CCDC91: variants seen among roughly 807,000 people sequenced by gnomAD.
CCDC91 encodes the protein coiled-coil domain-containing protein 91.
Under a neutral mutation model 63.2 loss-of-function variants are expected in CCDC91, and 48 were observed. That is an observed-to-expected ratio of 0.76 (90% CI 0.60 to 0.97). The LOEUF (loss-of-function observed/expected upper bound fraction) is 0.97, where lower values mean the gene tolerates loss of function less well. Ranked by LOEUF, CCDC91 falls within the 50% of genes least tolerant of loss-of-function variation. The pLI, the probability that CCDC91 is intolerant of heterozygous loss-of-function variation, is 0.00. For missense variants in CCDC91, 500 were observed against 494.6 expected, an observed-to-expected ratio of 1.01 and a Z score of -0.10; for synonymous variants, 167 against 165.8, an observed-to-expected ratio of 1.01 and a Z score of -0.06.
chr12:28,279,789 G>C (rs529450463), intron 3 of CCDC91, among the ~76,000 whole-genome samples: 1 of 151,916 alleles, frequency 6.6e-6, no homozygotes, highest in African/African-American at 2.4e-5. Flanking sequence ...ATGAAAAAAT[G>C]CTAGAAACTT....
intron 12 of CCDC91, among the ~76,000 whole-genome samples, chr12:28,520,174 T>G (rs924035574): frequency 6.6e-6 from 1 of 152,222 alleles, no homozygotes; most frequent in African/African-American, 2.4e-5. Context: ...TGAACTAGTT[T>G]ACAGTCCCAC....
chr12:28,524,545 A>C (rs779900265), intron 12 of CCDC91, among the ~76,000 whole-genome samples: 3 of 152,098 alleles, frequency 2.0e-5, no homozygotes, highest in African/African-American at 7.2e-5. Context: ...CAACAGGGAT[A>C]TTGGTCGGTA....
At chr12:28,211,474 A>G (rs1372615263) in intron 1 of CCDC91, among the ~76,000 whole-genome samples, 2 of 152,180 alleles carry the variant, frequency 1.3e-5, no homozygotes, top group Non-Finnish European at 2.9e-5. Context: ...GATGGGCCCC[A>G]TCATCCCTAA....
chr12:28,282,835 T>C (rs1294409008), intron 3 of CCDC91, among the ~76,000 whole-genome samples: 1 of 152,194 alleles, frequency 6.6e-6, no homozygotes, highest in African/African-American at 2.4e-5. Context: ...TTTTATGGTT[T>C]CAGGTCTTAG....
chr12:28,345,528 T>TA (rs1333621421), intron 6 of CCDC91, among the ~76,000 whole-genome samples: 4 of 152,090 alleles, frequency 2.6e-5, no homozygotes, highest in African/African-American at 4.8e-5. Context: ...TATCTACACT[T>TA]ACTGCAGTGT....
chr12:28,441,057 CA>C (rs60278449), intron 8 of CCDC91, among the ~76,000 whole-genome samples: 1 of 52,694 alleles, frequency 1.9e-5, no homozygotes, highest in Non-Finnish European at 3.1e-5. Flanking sequence ...GACTCCATCT[CA>C]AAAAAAAAAA....
intron 6 of CCDC91, among the ~76,000 whole-genome samples, chr12:28,309,864 A>G (rs1363120612): frequency 6.6e-6 from 1 of 151,910 alleles, no homozygotes; most frequent in Non-Finnish European, 1.5e-5. Flanking sequence ...GGCCCTTTGT[A>G]CTTGCTCAGC....
intron 11 of CCDC91, among the ~76,000 whole-genome samples, chr12:28,478,898 C>G (rs1272566567): frequency 6.6e-6 from 1 of 152,146 alleles, no homozygotes; most frequent in Non-Finnish European, 1.5e-5. Context: ...AAATGCCAAT[C>G]AAAACCACAA....
chr12:28,320,440 A>G (rs1410037851), intron 6 of CCDC91, among the ~76,000 whole-genome samples: 1 of 151,864 alleles, frequency 6.6e-6, no homozygotes. Flanking sequence ...ATGGACTTAC[A>G]ATGTGGCTAA....
intron 1 of CCDC91, among the ~76,000 whole-genome samples, chr12:28,247,924 T>G (rs1482782803): frequency 1.3e-5 from 2 of 152,174 alleles, no homozygotes; most frequent in Non-Finnish European, 2.9e-5. Context: ...GGGTTCGTGC[T>G]CCTTTGAGAA....
intron 1 of CCDC91, among the ~76,000 whole-genome samples, chr12:28,248,114 G>C: frequency 6.6e-6 from 1 of 152,228 alleles, no homozygotes; most frequent in East Asian, 1.9e-4. Flanking sequence ...TTTTATATAT[G>C]GGGTGAGAGA....
intron 3 of CCDC91, among the ~76,000 whole-genome samples, chr12:28,269,137 A>T (rs958915731): frequency 1.3e-5 from 2 of 152,068 alleles, no homozygotes; most frequent in South Asian, 4.2e-4. Flanking sequence ...TGTGTATTTT[A>T]AATGAACTTA....
chr12:28,503,034 A>T (rs908671801), intron 12 of CCDC91, among the ~76,000 whole-genome samples: 2 of 152,210 alleles, frequency 1.3e-5, no homozygotes, highest in African/African-American at 4.8e-5. Flanking sequence ...CAAGGACTTC[A>T]TATTTAAAAC....
intron 7 of CCDC91, among the ~76,000 whole-genome samples, chr12:28,368,657 TTGTTACATGTTAA>T (rs1944423591): frequency 1.3e-5 from 2 of 152,224 alleles, no homozygotes; most frequent in South Asian, 4.1e-4. Flanking sequence ...CTGTTTTTAG[TTGTTACATGTTAA>T]TGTTAGTTTG....
chr12:28,496,117 T>G lies in CCDC91; in HGVS notation c.1215+11952T>G, dbSNP rs1018963874. Reference sequence around the variant, plus strand: ...CTGACTAAGCAGCAGAGGAGTTTATTAAAACGATATTAGGTAAGCAGCCAA... The same window carrying G: ...CTGACTAAGCAGCAGAGGAGTTTATGAAAACGATATTAGGTAAGCAGCCAA... On this transcript the variant is annotated intron_variant, in intron 12 of 12. Transcript: ENST00000536442. 2.0e-5 allele frequency among the ~76,000 whole-genome samples: 3 copies of G among 151,608 alleles called. No individual in the cohort carries two copies. The Admixed American group carries it at 2.0e-4, about 10-fold the overall frequency.
intron 6 of CCDC91, among the ~76,000 whole-genome samples, chr12:28,334,681 T>C (rs1301548570): frequency 6.6e-6 from 1 of 152,150 alleles, no homozygotes; most frequent in African/African-American, 2.4e-5. Flanking sequence ...CTTTAGAAAA[T>C]GGTTTTTTGG....
intron 8 of CCDC91, among the ~76,000 whole-genome samples, chr12:28,402,178 A>G (rs1039289611): frequency 6.6e-6 from 1 of 152,174 alleles, no homozygotes; most frequent in Non-Finnish European, 1.5e-5. Flanking sequence ...GTCTACCCCT[A>G]GATGCCATGG....
chr12:28,211,305 C>T (rs1342117831), intron 1 of CCDC91, among the ~76,000 whole-genome samples: 4 of 151,932 alleles, frequency 2.6e-5, no homozygotes, highest in Non-Finnish European at 5.9e-5. Flanking sequence ...CCCTAGTGAC[C>T]TGGCTCACCG....
At chr12:28,453,674 A>G (rs996257233) in intron 11 of CCDC91, among the ~76,000 whole-genome samples, 2 of 152,082 alleles carry the variant, frequency 1.3e-5, no homozygotes, top group African/African-American at 2.4e-5. Flanking sequence ...CACTAAAGCA[A>G]TATTACCTTC....
Sources: allele counts gnomAD v4.1 joint callset (sites outside exome capture counted in the v4.1 genomes callset), GRCh38; gene constraint gnomAD v4.1.1; transcripts MANE v1.5; gene names NCBI Gene and HGNC (gene_info 2026-07-23, HGNC 2026-07-21).